Variants in MMP26 observed in about 807,000 individuals in gnomAD.
MMP26 encodes matrix metallopeptidase 26, also known as matrix metalloproteinase-26.
MMP26 carries 33 observed loss-of-function variants against 31.0 expected under a neutral mutation model. The ratio of observed to expected loss-of-function variants is 1.06; its 90% CI spans 0.81 to 1.42. The LOEUF (loss-of-function observed/expected upper bound fraction) is 1.42, where lower values mean the gene tolerates loss of function less well. Ranked by LOEUF, MMP26 falls within the 40% of genes most tolerant of loss-of-function variation. The pLI is 0.00. For missense variants in MMP26, 347 were observed against 316.1 expected (o/e 1.10, Z -0.74); for synonymous variants, 122 against 114.9 (o/e 1.06, Z -0.40).
intron 2 of MMP26, among the ~76,000 whole-genome samples, chr11:4,829,265 C>A (rs1367893257): frequency 6.6e-6 from 1 of 152,112 alleles, no homozygotes; most frequent in East Asian, 1.9e-4. Context: ...TATAAGTCTG[C>A]TAGTTTACTG....
intron 2 of MMP26, chr11:4,769,598 T>C (rs1478041916): frequency 1.2e-6 from 2 of 1,613,272 alleles, no homozygotes. Context: ...AGTGAATCCA[T>C]GAAGAAAAAA....
At chr11:4,741,866 G>T (rs547023679) in intron 1 of MMP26, among the ~76,000 whole-genome samples, 4 of 152,256 alleles carry the variant, frequency 2.6e-5, no homozygotes, top group African/African-American at 9.6e-5. Context: ...AGGGACGCTT[G>T]GAAGTTACAA....
chr11:4,865,595 C>T (rs1042140531), intron 2 of MMP26, among the ~76,000 whole-genome samples: 1 of 152,076 alleles, frequency 6.6e-6, no homozygotes, highest in Non-Finnish European at 1.5e-5. Flanking sequence ...TCCTCCTCCT[C>T]CTCCTCCTCC....
chr11:4,932,507 TG>T (rs1280143627), intron 2 of MMP26, among the ~76,000 whole-genome samples: 1 of 152,130 alleles, frequency 6.6e-6, no homozygotes, highest in African/African-American at 2.4e-5. Context: ...GAGAGGCATA[TG>T]TAGGCGCTTA....
intron 1 of MMP26, among the ~76,000 whole-genome samples, chr11:4,742,495 T>A (rs1848327942): frequency 6.6e-6 from 1 of 152,190 alleles, no homozygotes; most frequent in Non-Finnish European, 1.5e-5. Flanking sequence ...GCCGGATGCC[T>A]AGATATATGA....
intron 2 of MMP26, among the ~76,000 whole-genome samples, chr11:4,921,305 AAG>A (rs1851180725): frequency 6.6e-6 from 1 of 152,218 alleles, no homozygotes. Flanking sequence ...CAGTCTAGCA[AAG>A]AGAGAGGCAT....
intron 2 of MMP26, chr11:4,803,995 A>G (rs7941731): frequency 0.33 from 527,074 of 1,613,204 alleles, 92,350 homozygotes; most frequent in African/African-American, 0.52. Flanking sequence ...TGGGAAGCAG[A>G]TAGCCACGTA....
At chr11:4,923,989 C>G (rs1476370416) in intron 2 of MMP26, 2 of 1,614,014 alleles carry the variant, frequency 1.2e-6, no homozygotes, top group South Asian at 2.2e-5. Flanking sequence ...ACATGGATAA[C>G]AGAACTGATG....
intron 2 of MMP26, among the ~76,000 whole-genome samples, chr11:4,932,400 A>G (rs1851362927): frequency 6.6e-6 from 1 of 152,156 alleles, no homozygotes; most frequent in Non-Finnish European, 1.5e-5. Context: ...ACAAGACTAG[A>G]AGGTTCTATC....
chr11:4,961,181 G>A (rs1401331858), intron 2 of MMP26, among the ~76,000 whole-genome samples: 1 of 152,196 alleles, frequency 6.6e-6, no homozygotes, highest in Non-Finnish European at 1.5e-5. Context: ...TACCAAGGAA[G>A]TTTCAGTGTT....
intron 1 of MMP26, chr11:4,722,899 G>A: frequency 2.5e-6 from 2 of 786,234 alleles, no homozygotes; most frequent in Non-Finnish European, 4.6e-6. Context: ...GGCTTGTGAG[G>A]CCCCCATAGG....
chr11:4,907,587 T>A, intron 2 of MMP26: 1 of 1,613,838 alleles, frequency 6.2e-7, no homozygotes, highest in Non-Finnish European at 8.5e-7. Context: ...GACATGGGCC[T>A]GTCCCTCTCC....
At chr11:4,773,825 T>C (rs1019690524) in intron 2 of MMP26, among the ~76,000 whole-genome samples, 10 of 152,064 alleles carry the variant, frequency 6.6e-5, no homozygotes, top group Non-Finnish European at 1.3e-4. Context: ...GTGTGTGTTG[T>C]TCTCCTTTCT....
At chr11:4,908,346 G>A (rs1294927467) in intron 2 of MMP26, 9 of 1,538,440 alleles carry the variant, frequency 5.9e-6, no homozygotes, top group Non-Finnish European at 8.1e-6. Context: ...TCAACCAGTA[G>A]GCATTTACTG....
intron 2 of MMP26, chr11:4,914,083 C>T (rs1851034996): frequency 6.6e-6 from 1 of 152,242 alleles, no homozygotes; most frequent in East Asian, 1.9e-4. Flanking sequence ...CAATTGATTG[C>T]TTTACCAGAT....
chr11:4,955,865 G>A (rs928008887), intron 2 of MMP26: 145 of 619,040 alleles, frequency 2.3e-4, no homozygotes, highest in East Asian at 6.6e-4. Context: ...TCTTTTGAGA[G>A]AACAAAGCAT....
chr11:4,988,172 T>A lies in MMP26; in HGVS notation c.-40T>A. The A allele has an allele frequency of 6.4e-7, 1 of 1,571,998 alleles. No homozygotes were observed. The highest frequency in any genetic ancestry group is 2.2e-5 in the East Asian group (1 of 44,638). On this transcript the variant is annotated 5_prime_UTR_variant, in exon 3 of 8. Transcript: ENST00000380390. ...TATAAAGATCCAGTGGCCCAAGTTG[T>A]GTACCTGAATTCAAGCAGTGGGACA...
intron 2 of MMP26, among the ~76,000 whole-genome samples, chr11:4,976,745 C>A (rs1291134413): frequency 2.0e-5 from 3 of 152,058 alleles, no homozygotes; most frequent in African/African-American, 7.3e-5. Context: ...TGGACTCAAA[C>A]AGAATCAGCT....
At chr11:4,833,168 A>G (rs1336260631) in intron 2 of MMP26, 1 of 152,184 alleles carries the variant, frequency 6.6e-6, no homozygotes, top group Non-Finnish European at 1.5e-5. Context: ...ATTTACTTCA[A>G]AGTTTTTAAA....
Sources: gnomAD v4.1 joint callset for allele counts (sites outside exome capture counted in the v4.1 genomes callset) on GRCh38, gnomAD v4.1.1 for gene constraint, MANE v1.5 for transcripts, NCBI Gene and HGNC (gene_info 2026-07-23, HGNC 2026-07-21) for gene names.